The following TMTC2 variants were observed in gnomAD, a reference collection of about 807,000 sequenced individuals.
TMTC2 encodes transmembrane O-mannosyltransferase targeting cadherins 2, also known as protein O-mannosyl-transferase TMTC2.
Under a neutral mutation model 82.4 loss-of-function variants are expected in TMTC2, and 43 were observed. The ratio of observed to expected loss-of-function variants is 0.52; its 90% CI spans 0.41 to 0.67. The LOEUF is 0.67. TMTC2 is among the 30% of genes least tolerant of loss of function. TMTC2 has a pLI of 0.00. For synonymous variants in TMTC2, 408 were observed against 381.9 expected (o/e 1.07, Z -0.80); for missense variants, 919 against 1,012.4 (o/e 0.91, Z 1.25).
At chr12:82,956,669 G>T (rs980914759) in intron 4 of TMTC2, among the ~76,000 whole-genome samples, 2 of 151,990 alleles carry the variant, frequency 1.3e-5, no homozygotes, top group African/African-American at 4.8e-5. Context: ...GACCAGACTG[G>T]TATTGAACTC....
Position 82,933,725 on chromosome 12 carries a change from G to A in TMTC2, c.1598+3180G>A, listed in dbSNP as rs567513426. The stretch of plus-strand genomic sequence containing the variant: ...TGCATTTTAGAAGCTTTAGGGAATC[G>A]TAAGCTTCTGTTAGGCCCTCAACAT... On this transcript the variant is annotated intron_variant, in intron 4 of 11. Transcript: ENST00000321196. Among the ~76,000 whole-genome samples, 6 of 152,244 alleles carry A rather than the reference G, an allele frequency of 3.9e-5. No homozygotes were observed. In the East Asian group the frequency reaches 9.6e-4, roughly 24 times the overall value.
intron 1 of TMTC2, among the ~76,000 whole-genome samples, chr12:82,798,534 C>T (rs1315719452): frequency 1.3e-4 from 19 of 145,052 alleles, no homozygotes; most frequent in South Asian, 8.9e-4. Context: ...GGCCGGTTGC[C>T]GTGGCTCAAG....
At chr12:82,748,059 C>G (rs2136961755) in intron 1 of TMTC2, among the ~76,000 whole-genome samples, 1 of 152,266 alleles carries the variant, frequency 6.6e-6, no homozygotes, top group Admixed American at 6.5e-5. Flanking sequence ...GCCTGTGATC[C>G]CAGCACTTTG....
intron 1 of TMTC2, among the ~76,000 whole-genome samples, chr12:82,811,281 G>A (rs2137049497): frequency 6.6e-6 from 1 of 152,128 alleles, no homozygotes; most frequent in South Asian, 2.1e-4. Context: ...GTCTTGGGCA[G>A]TTCTTTATAG....
chr12:82,831,977 A>G (rs1044924056), intron 1 of TMTC2, among the ~76,000 whole-genome samples: 1 of 152,216 alleles, frequency 6.6e-6, no homozygotes, highest in Non-Finnish European at 1.5e-5. Context: ...CCTTAGCATT[A>G]TGTCGCTGAC....
chr12:82,937,859 C>T (rs1192292836), intron 4 of TMTC2, among the ~76,000 whole-genome samples: 1 of 145,258 alleles, frequency 6.9e-6, no homozygotes, highest in Non-Finnish European at 1.5e-5. Context: ...TAGGTTGAGA[C>T]AGCAATGAAA....
intron 7 of TMTC2, among the ~76,000 whole-genome samples, chr12:82,972,053 C>T (rs1878472974): frequency 6.6e-6 from 1 of 151,956 alleles, no homozygotes; most frequent in African/African-American, 2.4e-5. Context: ...CTGACTAGAC[C>T]AAAGAAAACA....
At chr12:82,974,664 T>C (rs1878592345) in intron 7 of TMTC2, among the ~76,000 whole-genome samples, 1 of 152,218 alleles carries the variant, frequency 6.6e-6, no homozygotes, top group African/African-American at 2.4e-5. Flanking sequence ...AATGAATTTA[T>C]TTAATGAAAG....
rs540567183 is a variant in TMTC2 at position 82,778,380 on chromosome 12, A to G, written c.84-78630A>G. Among the ~76,000 whole-genome samples the G allele has an allele frequency of 3.3e-5, 5 of 152,300 alleles. No homozygotes were observed. The South Asian group carries it at 1.0e-3, about 32-fold the overall frequency. On this transcript the variant is annotated intron_variant, in intron 1 of 11. Coordinates refer to ENST00000321196, the MANE Select transcript of TMTC2 (RefSeq NM_152588.3). ...AAGTTTGAAATAAGATTTGCTAAGT[A>G]TTAAACTGGAAGGTTCTTTTTATTA... is the stretch of plus-strand genomic sequence containing the variant.
At chr12:83,082,706 A>T (rs796190444) in intron 11 of TMTC2, among the ~76,000 whole-genome samples, 4 of 152,354 alleles carry the variant, frequency 2.6e-5, no homozygotes, top group African/African-American at 9.6e-5. Flanking sequence ...ATATGGCAGC[A>T]TATAAAAAAG....
At chr12:82,927,106 A>G (rs1435482346) in intron 3 of TMTC2, among the ~76,000 whole-genome samples, 1 of 152,264 alleles carries the variant, frequency 6.6e-6, no homozygotes, top group Non-Finnish European at 1.5e-5. Context: ...TGTAGCTTCC[A>G]TAGACAGTGA....
At chr12:82,822,528 G>A (rs954938837) in intron 1 of TMTC2, among the ~76,000 whole-genome samples, 1 of 152,028 alleles carries the variant, frequency 6.6e-6, no homozygotes, top group East Asian at 1.9e-4. Context: ...TTTTTGGGGG[G>A]TGAGAGGGTT....
chr12:82,994,269 TC>T (rs1175884936), intron 8 of TMTC2, among the ~76,000 whole-genome samples: 2 of 152,160 alleles, frequency 1.3e-5, no homozygotes, highest in African/African-American at 4.8e-5. Flanking sequence ...TTCTCGTGCC[TC>T]AGCCTCTGAA....
chr12:83,017,349 A>G (rs1024899784), intron 8 of TMTC2, among the ~76,000 whole-genome samples: 1 of 152,210 alleles, frequency 6.6e-6, no homozygotes, highest in African/African-American at 2.4e-5. Flanking sequence ...TTATAAATAC[A>G]TTGAAACAGT....
intron 1 of TMTC2, among the ~76,000 whole-genome samples, chr12:82,711,994 T>C (rs7134766): frequency 0.83 from 126,858 of 152,190 alleles, 53,209 homozygotes; most frequent in Non-Finnish European, 0.88. Flanking sequence ...GCTCTATCTT[T>C]ATCTTCTTCC....
chr12:82,783,444 T>G (rs1415999107), intron 1 of TMTC2, among the ~76,000 whole-genome samples: 1 of 152,000 alleles, frequency 6.6e-6, no homozygotes, highest in Non-Finnish European at 1.5e-5. Flanking sequence ...TCCCTTTTGT[T>G]GCCATTGATC....
chr12:82,966,711 G>A (rs1878228054), intron 6 of TMTC2, among the ~76,000 whole-genome samples: 1 of 152,058 alleles, frequency 6.6e-6, no homozygotes, highest in South Asian at 2.1e-4. Context: ...TTAAGCTATG[G>A]CATTCTTCAC....
intron 11 of TMTC2, among the ~76,000 whole-genome samples, chr12:83,104,089 G>T (rs1884318537): frequency 6.6e-6 from 1 of 152,224 alleles, no homozygotes; most frequent in Non-Finnish European, 1.5e-5. Context: ...CACATCCAGG[G>T]CACACTGGTG....
chr12:82,761,238 G>T (rs75775667), intron 1 of TMTC2, among the ~76,000 whole-genome samples: 5 of 152,154 alleles, frequency 3.3e-5, no homozygotes. Context: ...AAACAACAAA[G>T]TACCTTTTTC....
Sources: gnomAD v4.1 joint callset for allele counts (sites outside exome capture counted in the v4.1 genomes callset) on GRCh38, gnomAD v4.1.1 for gene constraint, MANE v1.5 for transcripts, NCBI Gene and HGNC (gene_info 2026-07-23, HGNC 2026-07-21) for gene names.